Variants in CEP128 observed in about 807,000 individuals in gnomAD.
CEP128 encodes centrosomal protein 128kDa.
Under a neutral mutation model 156.7 loss-of-function variants are expected in CEP128, and 132 were observed. The observed-to-expected ratio is 0.84, with a 90% CI of 0.73 to 0.97. The LOEUF is 0.97. Ranked by LOEUF, CEP128 falls within the 50% of genes least tolerant of loss-of-function variation. The pLI is 0.00. For synonymous variants in CEP128, 469 were observed against 448.9 expected, an observed-to-expected ratio of 1.04 and a Z score of -0.57; for missense variants, 1,252 against 1,281.9, an observed-to-expected ratio of 0.98 and a Z score of 0.36.
chr14:80,598,673 A>T (rs971792256), intron 19 of CEP128, among the ~76,000 whole-genome samples: 2 of 152,230 alleles, frequency 1.3e-5, no homozygotes, highest in South Asian at 4.1e-4. Flanking sequence ...AACAATTTTT[A>T]AAAATTAAGA....
chr14:80,558,084 TC>T (rs1403097929), intron 21 of CEP128, among the ~76,000 whole-genome samples: 2 of 152,174 alleles, frequency 1.3e-5, no homozygotes, highest in Non-Finnish European at 2.9e-5. Context: ...AATCTATAAT[TC>T]TTATGTAACT....
chr14:80,640,115 A>C (rs1242476805), intron 19 of CEP128, among the ~76,000 whole-genome samples: 1 of 152,160 alleles, frequency 6.6e-6, no homozygotes, highest in African/African-American at 2.4e-5. Flanking sequence ...AATGTGAAAG[A>C]TCTCTCTGTG....
At chr14:80,736,364 T>C (rs1898532051) in intron 19 of CEP128, among the ~76,000 whole-genome samples, 1 of 152,120 alleles carries the variant, frequency 6.6e-6, no homozygotes, top group South Asian at 2.1e-4. Context: ...TTTGCCTTAC[T>C]CATCTCCCTA....
chr14:80,482,049 C>T (rs8005349), intron 14 of CEP128, among the ~76,000 whole-genome samples: 1 of 152,026 alleles, frequency 6.6e-6, no homozygotes, highest in East Asian at 1.9e-4. Context: ...GTGGGAGAAT[C>T]GCTTTTTAAA....
chr14:80,605,070 C>T (rs911713307), intron 19 of CEP128, among the ~76,000 whole-genome samples: 11 of 152,060 alleles, frequency 7.2e-5, no homozygotes, highest in Non-Finnish European at 1.5e-4. Context: ...TCTTTCTCTG[C>T]TATTAGTTAG....
At chr14:80,797,974 G>C (rs1376121917) in intron 13 of CEP128, among the ~76,000 whole-genome samples, 4 of 151,988 alleles carry the variant, frequency 2.6e-5, no homozygotes, top group African/African-American at 9.7e-5. Context: ...TTTACATTTA[G>C]ATTGTGTGAA....
chr14:80,854,568 G>A (rs1235693195), intron 9 of CEP128, among the ~76,000 whole-genome samples: 1 of 151,826 alleles, frequency 6.6e-6, no homozygotes, highest in Non-Finnish European at 1.5e-5. Flanking sequence ...TAAGAGAAGT[G>A]GTTCATGATG....
intron 23 of CEP128, chr14:80,514,651 G>T: frequency 2.5e-6 from 1 of 397,862 alleles, no homozygotes. Flanking sequence ...ATTTTGTGGT[G>T]CTATTTAAAC....
intron 19 of CEP128, among the ~76,000 whole-genome samples, chr14:80,704,086 T>C (rs546913304): frequency 5.3e-5 from 8 of 152,246 alleles, no homozygotes; most frequent in East Asian, 3.9e-4. Context: ...AAGATACTTA[T>C]GTAATGAGAA....
At chr14:80,761,317 T>C (rs1885069857) in intron 17 of CEP128, 120 bp downstream of exon 17, 1 of 729,106 alleles carries the variant, frequency 1.4e-6, no homozygotes, top group Non-Finnish European at 2.1e-6. Context: ...TGCAAAATGT[T>C]ATTTTGTTTT....
intron 16 of CEP128, among the ~76,000 whole-genome samples, chr14:80,767,721 G>T (rs1900308628): frequency 6.6e-6 from 1 of 152,086 alleles, no homozygotes; most frequent in African/African-American, 2.4e-5. Flanking sequence ...AAGAAGTTAT[G>T]ATTAATAGTG....
intron 4 of CEP128, among the ~76,000 whole-genome samples, chr14:80,907,739 G>C (rs1883971585): frequency 6.7e-6 from 1 of 149,508 alleles, no homozygotes; most frequent in Non-Finnish European, 1.5e-5. Context: ...TTTACCTTGA[G>C]AGTAATTTAC....
upstream of CEP128, among the ~76,000 whole-genome samples, chr14:80,944,741 A>G (rs1255404764): frequency 2.0e-5 from 3 of 149,686 alleles, no homozygotes; most frequent in Non-Finnish European, 4.4e-5. Flanking sequence ...AGAACGGCGT[A>G]AACCCGGAAG....
At chr14:80,881,868 A>G (rs534646167) in intron 8 of CEP128, among the ~76,000 whole-genome samples, 3 of 152,304 alleles carry the variant, frequency 2.0e-5, no homozygotes, top group African/African-American at 7.2e-5. Flanking sequence ...ATACCTCAAC[A>G]TAAGAAAAGC....
At chr14:80,696,987 G>T (rs1320723044) in intron 19 of CEP128, among the ~76,000 whole-genome samples, 1 of 152,118 alleles carries the variant, frequency 6.6e-6, no homozygotes, top group African/African-American at 2.4e-5. Flanking sequence ...TCCAGAGGAG[G>T]TTAAGAGGTA....
intron 1 of CEP128, chr14:80,959,372 A>T (rs542162805): frequency 6.6e-6 from 1 of 152,354 alleles, no homozygotes; most frequent in African/African-American, 2.4e-5. Flanking sequence ...TTGGCATATA[A>T]TTATAGATCA....
At chr14:80,853,644 C>T (rs1233359240) in intron 9 of CEP128, among the ~76,000 whole-genome samples, 1 of 151,836 alleles carries the variant, frequency 6.6e-6, no homozygotes, top group Non-Finnish European at 1.5e-5. Flanking sequence ...TAGAAAAGAC[C>T]TTCTCTTTAA....
At chr14:80,676,192 G>A (rs1660617486) in intron 19 of CEP128, among the ~76,000 whole-genome samples, 1 of 151,884 alleles carries the variant, frequency 6.6e-6, no homozygotes, top group South Asian at 2.1e-4. Flanking sequence ...ATAAACACAA[G>A]GTAGATCACC....
At chr14:80,919,538 T>A (rs1420529551) in intron 2 of CEP128, among the ~76,000 whole-genome samples, 1 of 152,158 alleles carries the variant, frequency 6.6e-6, no homozygotes, top group Non-Finnish European at 1.5e-5. Flanking sequence ...CATGATTTCA[T>A]GTATAACTCT....
Sources: allele counts gnomAD v4.1 joint callset (sites outside exome capture counted in the v4.1 genomes callset), GRCh38; gene constraint gnomAD v4.1.1; transcripts MANE v1.5; gene names NCBI Gene and HGNC (gene_info 2026-07-23, HGNC 2026-07-21).